LIMS4: variants seen among roughly 807,000 people sequenced by gnomAD.
LIMS4 encodes LIM zinc finger domain containing 4, also known as LIM and senescent cell antigen-like-containing domain protein 4.
chr2:110,365,593 A>G, the LIMS4 span, among the ~76,000 whole-genome samples: 1 of 130,932 alleles, frequency 7.6e-6, no homozygotes, highest in African/African-American at 3.5e-5. Flanking sequence ...AAGATCTCCA[A>G]TTAACAACAT....
the LIMS4 span, among the ~76,000 whole-genome samples, chr2:110,419,635 A>G: frequency 5.2e-5 from 1 of 19,290 alleles, no homozygotes; most frequent in African/African-American, 4.8e-4. Context: ...GCGAGACTCC[A>G]TCTCAAAACA....
chr2:110,371,986 C>G, the LIMS4 span, among the ~76,000 whole-genome samples: 1 of 152,088 alleles, frequency 6.6e-6, no homozygotes, highest in Non-Finnish European at 1.5e-5. Context: ...TGTCGCCAAA[C>G]TAGGGCCCAG....
chr2:110,411,502 T>A, the LIMS4 span, among the ~76,000 whole-genome samples: 1 of 136,774 alleles, frequency 7.3e-6, no homozygotes, highest in Non-Finnish European at 1.5e-5. Flanking sequence ...AGGCCACTGT[T>A]GTCCCCAGTG....
the LIMS4 span, among the ~76,000 whole-genome samples, chr2:110,365,849 A>G: frequency 1.4e-5 from 2 of 146,202 alleles, no homozygotes; most frequent in Non-Finnish European, 3.0e-5. Context: ...AGGAGACATT[A>G]TCAATGACCC....
At chr2:110,386,372 C>T in the LIMS4 span, 1 of 273,572 alleles carries the variant, frequency 3.7e-6, no homozygotes, top group Non-Finnish European at 5.9e-6. Context: ...TTTGCTAACA[C>T]AGTATTTTCC....
At chr2:110,359,585 A>G in the LIMS4 span, among the ~76,000 whole-genome samples, 11 of 20,192 alleles carry the variant, frequency 5.4e-4, 1 homozygote, top group Admixed American at 1.9e-3. Flanking sequence ...TCTAAGCACC[A>G]GAACGTTTGG....
chr2:110,425,092 A>T, the LIMS4 span, among the ~76,000 whole-genome samples: 19 of 142,136 alleles, frequency 1.3e-4, 5 homozygotes, highest in African/African-American at 5.7e-4. Context: ...GAGCTGTAAC[A>T]CTCACCAGCA....
chr2:110,418,650 CT>C, the LIMS4 span, among the ~76,000 whole-genome samples: 14,248 of 72,384 alleles, frequency 0.2, 1,080 homozygotes, highest in Non-Finnish European at 0.24. Context: ...CCTTTCCTTT[CT>C]TTTTTTTTTT....
chr2:110,367,456 G>C, the LIMS4 span, among the ~76,000 whole-genome samples: 2 of 142,190 alleles, frequency 1.4e-5, no homozygotes, highest in Non-Finnish European at 3.0e-5. Flanking sequence ...TTTGGCAAAG[G>C]TGACAAAAAT....
At chr2:110,378,913 A>C in the LIMS4 span, among the ~76,000 whole-genome samples, 1 of 144,752 alleles carries the variant, frequency 6.9e-6, no homozygotes, top group Non-Finnish European at 1.5e-5. Flanking sequence ...CCTTTATAAG[A>C]AATAAAGCTC....
At chr2:110,382,010 TG>T in the LIMS4 span, among the ~76,000 whole-genome samples, 1 of 69,662 alleles carries the variant, frequency 1.4e-5, no homozygotes, top group East Asian at 5.2e-4. Context: ...GAGATTGCAG[TG>T]AGCCAAGATC....
At chr2:110,442,648 C>CAT (rs1408023464), downstream of LIMS4, among the ~76,000 whole-genome samples, 269 of 143,234 alleles carry the variant, frequency 1.9e-3, 1 homozygote, top group South Asian at 2.2e-3. Flanking sequence ...CATATATATA[C>CAT]ATATATATAC....
chr2:110,381,786 G>C, the LIMS4 span, among the ~76,000 whole-genome samples: 1 of 20,224 alleles, frequency 4.9e-5, no homozygotes, highest in African/African-American at 2.6e-4. Flanking sequence ...AATATGTTTG[G>C]GCCGGGCGCG....
chr2:110,391,902 G>A, the LIMS4 span, among the ~76,000 whole-genome samples: 1 of 150,416 alleles, frequency 6.6e-6, no homozygotes, highest in Non-Finnish European at 1.5e-5. Context: ...AGCAATCCAG[G>A]CCTTCCACAG....
the LIMS4 span, among the ~76,000 whole-genome samples, chr2:110,424,706 G>A: frequency 6.9e-5 from 10 of 144,226 alleles, 1 homozygote; most frequent in Non-Finnish European, 1.3e-4. Flanking sequence ...AGGCCAAGGC[G>A]GGAGTGACAA....
chr2:110,387,646 G>A, the LIMS4 span: 6 of 285,762 alleles, frequency 2.1e-5, no homozygotes, highest in East Asian at 1.9e-4. Flanking sequence ...AGCCTCCTGA[G>A]TAGCTGGTAT....
chr2:110,359,643 T>C, the LIMS4 span, among the ~76,000 whole-genome samples: 2 of 81,530 alleles, frequency 2.5e-5, no homozygotes, highest in South Asian at 7.5e-4. Flanking sequence ...CAGTAAAGGA[T>C]TAAGTCAGCT....
chr2:110,373,681 G>A, the LIMS4 span, among the ~76,000 whole-genome samples: 1 of 151,452 alleles, frequency 6.6e-6, no homozygotes, highest in African/African-American at 2.5e-5. Context: ...AGGATGGGAG[G>A]CTAGTCCCTT....
the LIMS4 span, among the ~76,000 whole-genome samples, chr2:110,371,576 T>C: frequency 7.5e-6 from 1 of 134,226 alleles, no homozygotes; most frequent in Non-Finnish European, 1.5e-5. Flanking sequence ...CTTTGAGATA[T>C]AAACATTCTA....
Sources: gnomAD v4.1 joint callset for allele counts (sites outside exome capture counted in the v4.1 genomes callset) on GRCh38, gnomAD v4.1.1 for gene constraint, MANE v1.5 for transcripts, NCBI Gene and HGNC (gene_info 2026-07-23, HGNC 2026-07-21) for gene names.